CRACR2A: variants seen among roughly 807,000 people sequenced by gnomAD.
CRACR2A encodes calcium release activated channel regulator 2A.
In CRACR2A, 79 loss-of-function variants were observed where a neutral mutation model predicts 90.5. The ratio of observed to expected loss-of-function variants is 0.87; its 90% confidence interval spans 0.73 to 1.05. The LOEUF (loss-of-function observed/expected upper bound fraction) is 1.05. Ranked by LOEUF, CRACR2A falls within the 50% of genes least tolerant of loss-of-function variation. The pLI, the probability that CRACR2A is intolerant of heterozygous loss-of-function variation, is 0.00. For missense variants in CRACR2A, 823 were observed against 897.2 expected, an observed-to-expected ratio of 0.92 and a Z score of 1.06; for synonymous variants, 338 against 356.7, an observed-to-expected ratio of 0.95 and a Z score of 0.59.
chr12:3,744,311 C>T (rs1946575933), intron 1 of CRACR2A, among the ~76,000 whole-genome samples: 1 of 152,190 alleles, frequency 6.6e-6, no homozygotes, highest in Admixed American at 6.5e-5. Flanking sequence ...TGGCTAAAGG[C>T]CCCAGTGAAG....
rs1591659069 is a variant in CRACR2A, at chr12:3,653,589, C to T, written c.1046+623G>A. Among the ~76,000 whole-genome samples, 4 of 152,202 alleles carry T rather than the reference C, an allele frequency of 2.6e-5. No homozygotes were observed. In the East Asian group the frequency reaches 7.7e-4, roughly 29 times the overall value. On this transcript the variant is annotated intron_variant, in intron 10 of 19. Coordinates refer to ENST00000440314, the MANE Select transcript of CRACR2A (RefSeq NM_001144958.2). ...GTGTGCCTCTGCCTAGTAAACTAACCCCCATGGCTGGACGATATTGGCAGG... is the reference window on the plus strand; with the variant it reads ...GTGTGCCTCTGCCTAGTAAACTAACTCCCATGGCTGGACGATATTGGCAGG...
chr12:3,712,277 T>C (rs766838191), intron 3 of CRACR2A, among the ~76,000 whole-genome samples: 2 of 152,126 alleles, frequency 1.3e-5, no homozygotes, highest in African/African-American at 2.4e-5. Context: ...CTGTATTAGG[T>C]CATTCTTGCA....
intron 6 of CRACR2A, among the ~76,000 whole-genome samples, chr12:3,675,592 A>G (rs563830332): frequency 2.2e-4 from 33 of 152,338 alleles, no homozygotes; most frequent in African/African-American, 2.9e-4. Flanking sequence ...GACTACATAA[A>G]TAATACCCCT....
chr12:3,747,664 T>C (rs1415377834), intron 1 of CRACR2A, among the ~76,000 whole-genome samples: 2 of 152,228 alleles, frequency 1.3e-5, no homozygotes, highest in Non-Finnish European at 2.9e-5. Context: ...TGGGTCATGG[T>C]AGCCAACCTC....
In CRACR2A at chr12:3,644,625, G is replaced by T; in HGVS notation, c.1134C>A (p.His378Gln). 1 of 1,551,634 alleles carries T rather than the reference G, an allele frequency of 6.4e-7. No homozygotes were observed. Residue 378 changes from histidine to glutamine, a missense_variant, in exon 12 of 20, where the codon CAC (histidine) becomes CAA (glutamine). Physicochemically the swap from His to Gln is conservative, Grantham distance 24. Transcript: ENST00000440314. ...AACATATGTCCCGTTCATCCCGAAGGTGCTTGTTCCTTTCCCTGTGGATGG... is the reference window on the plus strand; with the variant it reads ...AACATATGTCCCGTTCATCCCGAAGTTGCTTGTTCCTTTCCCTGTGGATGG... ...QLDFLRERNKHLRDERDICFQ... is the reference protein window; with the variant it reads ...QLDFLRERNKQLRDERDICFQ...
chr12:3,712,761 T>C (rs1244973074), intron 3 of CRACR2A, among the ~76,000 whole-genome samples: 4 of 152,092 alleles, frequency 2.6e-5, no homozygotes, highest in Admixed American at 6.5e-5. Context: ...AAGTGAACAG[T>C]GATGCTGTAC....
intron 5 of CRACR2A, among the ~76,000 whole-genome samples, chr12:3,679,330 T>G (rs1385263495): frequency 6.6e-6 from 1 of 152,216 alleles, no homozygotes; most frequent in Non-Finnish European, 1.5e-5. Flanking sequence ...AATGGCAGAA[T>G]GTAAGACGGA....
At chr12:3,645,678 C>A (rs906298256) in intron 11 of CRACR2A, among the ~76,000 whole-genome samples, 1 of 152,100 alleles carries the variant, frequency 6.6e-6, no homozygotes, top group African/African-American at 2.4e-5. Flanking sequence ...TGGGTAAGAA[C>A]CGTTTTTTTG....
chr12:3,690,598 G>T (rs1037209733), intron 4 of CRACR2A, among the ~76,000 whole-genome samples: 14 of 152,186 alleles, frequency 9.2e-5, no homozygotes, highest in African/African-American at 3.4e-4. Flanking sequence ...CAAATTAAGA[G>T]TATGTGCCAT....
chr12:3,645,868 A>C (rs11832865), intron 11 of CRACR2A, among the ~76,000 whole-genome samples: 17,162 of 152,284 alleles, frequency 0.11, 1,266 homozygotes, highest in Non-Finnish European at 0.16. Context: ...ATTAGAGTAC[A>C]TTTGTAGGTA....
chr12:3,622,438 G>A (rs1330425711), intron 17 of CRACR2A, among the ~76,000 whole-genome samples: 2 of 152,186 alleles, frequency 1.3e-5, no homozygotes, highest in East Asian at 1.9e-4. Flanking sequence ...CTAACAGAGA[G>A]CCTTCCCTCC....
chr12:3,660,477 C>CA (rs1340654998), intron 7 of CRACR2A, among the ~76,000 whole-genome samples: 1 of 152,056 alleles, frequency 6.6e-6, no homozygotes, highest in African/African-American at 2.4e-5. Flanking sequence ...GACAAACACA[C>CA]AGCCTATAGA....
At chr12:3,666,369 G>A (rs566524674) in intron 7 of CRACR2A, among the ~76,000 whole-genome samples, 14 of 151,822 alleles carry the variant, frequency 9.2e-5, no homozygotes, top group East Asian at 5.8e-4. Context: ...GCGTGTGCGC[G>A]TGCGCGCGCA....
chr12:3,705,392 G>A (rs1452887902), intron 3 of CRACR2A, among the ~76,000 whole-genome samples: 2 of 152,166 alleles, frequency 1.3e-5, no homozygotes, highest in Non-Finnish European at 2.9e-5. Flanking sequence ...TCCCTCCTAA[G>A]GGTTCTAAGC....
intron 3 of CRACR2A, among the ~76,000 whole-genome samples, chr12:3,697,683 C>A (rs1387370985): frequency 6.6e-6 from 1 of 152,210 alleles, no homozygotes; most frequent in African/African-American, 2.4e-5. Context: ...TCAACAAGTT[C>A]TTGGTGAGCT....
chr12:3,710,779 G>A (rs1327497389), intron 3 of CRACR2A, among the ~76,000 whole-genome samples: 22 of 147,718 alleles, frequency 1.5e-4, no homozygotes, highest in African/African-American at 3.8e-4. Context: ...GCGACAGAGC[G>A]AGGCTCCACC....
At chr12:3,647,799 C>T in intron 11 of CRACR2A, 4 of 959,778 alleles carry the variant, frequency 4.2e-6, no homozygotes, top group South Asian at 4.8e-5. Flanking sequence ...AAAATCAGAA[C>T]CCAAAGTCCT....
At chr12:3,630,079 T>C (rs1047916056) in intron 15 of CRACR2A, among the ~76,000 whole-genome samples, 9 of 152,222 alleles carry the variant, frequency 5.9e-5, no homozygotes, top group Admixed American at 5.9e-4. Context: ...GCAGCTCATT[T>C]TGGGGGGTTC....
chr12:3,656,545 G>A lies in CRACR2A; in HGVS notation c.763-139C>T, dbSNP rs1410101189. 9 of 724,408 alleles carry A rather than the reference G, an allele frequency of 1.2e-5. No individual in the cohort carries two copies. The South Asian group carries it at 1.3e-4, about 11-fold the overall frequency. The allele number at this position is 724,408 out of a possible 1,614,324, so 44.9% of individuals were successfully genotyped here. A position where few individuals can be genotyped will look rare whatever the true frequency, so the allele number is the denominator to read the frequency against. Reference sequence around the variant, plus strand: ...TGGGGCTTTTCCCACAGCACTGCAGGGCTCTGGTAACCTGCCTGCCCCATC... The same window carrying A: ...TGGGGCTTTTCCCACAGCACTGCAGAGCTCTGGTAACCTGCCTGCCCCATC... On this transcript the variant is annotated intron_variant, in intron 8 of 19. Transcript: ENST00000440314.
Sources: allele counts gnomAD v4.1 joint callset (sites outside exome capture counted in the v4.1 genomes callset), GRCh38; gene constraint gnomAD v4.1.1; transcripts MANE v1.5; gene names NCBI Gene and HGNC (gene_info 2026-07-23, HGNC 2026-07-21).